Variants in MGAT4C observed in about 807,000 individuals in gnomAD.
MGAT4C encodes the protein MGAT4 family member C, also known as alpha-1,3-mannosyl-glycoprotein 4-beta-N-acetylglucosaminyltransferase C.
In MGAT4C, 19 loss-of-function variants were observed where a neutral mutation model predicts 40.1. The observed-to-expected ratio is 0.47, with a 90% CI of 0.33 to 0.70. The LOEUF is 0.70. Ranked by LOEUF, MGAT4C falls within the 30% of genes least tolerant of loss-of-function variation. The probability of loss-of-function intolerance (pLI) is 0.02; values close to 1 mark genes in which losing one functional copy is unlikely to be tolerated. For synonymous variants in MGAT4C, 181 were observed against 187.1 expected (o/e 0.97, Z 0.27); for missense variants, 491 against 563.2 (o/e 0.87, Z 1.30).
rs188152138 is a variant in MGAT4C, at chr12:85,991,617, G to T, written c.-6-2065C>A. On this transcript the variant is annotated intron_variant, in intron 2 of 4. Coordinates refer to ENST00000611864, the MANE Select transcript of MGAT4C (RefSeq NM_001351288.2). The stretch of plus-strand genomic sequence containing the variant: ...CTCGTGGGCGCTTAAAGCCTGGAGG[G>T]TGCTGAGATGACAAGCAGCTGGCAT... Among the ~76,000 whole-genome samples, 404 of 152,310 alleles carry T rather than the reference G, an allele frequency of 2.7e-3. 1 individual carries two copies. Among genetic ancestry groups the T allele is most frequent in the African/African-American group, 9.3e-3 (386 of 41,580 alleles).
intron 2 of MGAT4C, among the ~76,000 whole-genome samples, chr12:86,660,767 A>T (rs1313082766): frequency 6.6e-6 from 1 of 152,144 alleles, no homozygotes; most frequent in Non-Finnish European, 1.5e-5. Flanking sequence ...GTCAGCCCTT[A>T]TGTAGCACAG....
At chr12:86,066,029 A>G (rs1894506307) in intron 1 of MGAT4C, among the ~76,000 whole-genome samples, 1 of 152,220 alleles carries the variant, frequency 6.6e-6, no homozygotes, top group African/African-American at 2.4e-5. Context: ...TTCAAGGAGA[A>G]CTACAAACCA....
chr12:86,465,077 A>G (rs549634032), intron 2 of MGAT4C, among the ~76,000 whole-genome samples: 2 of 152,266 alleles, frequency 1.3e-5, no homozygotes, highest in Admixed American at 1.3e-4. Context: ...ATTAGGTCAT[A>G]GATTAACTCT....
chr12:86,493,460 T>G (rs1215847866), intron 2 of MGAT4C, among the ~76,000 whole-genome samples: 2 of 152,160 alleles, frequency 1.3e-5, no homozygotes, highest in African/African-American at 2.4e-5. Flanking sequence ...TGGAATACCA[T>G]GCAGCCATAA....
At chr12:86,119,817 GC>G (rs796743892) in intron 1 of MGAT4C, among the ~76,000 whole-genome samples, 19 of 149,018 alleles carry the variant, frequency 1.3e-4, no homozygotes, top group African/African-American at 4.7e-4. Context: ...TCCCACCTCA[GC>G]CTTCCATGTA....
At chr12:86,031,716 T>C (rs1890769931) in intron 2 of MGAT4C, among the ~76,000 whole-genome samples, 1 of 151,860 alleles carries the variant, frequency 6.6e-6, no homozygotes, top group African/African-American at 2.4e-5. Flanking sequence ...CTTGAAATCT[T>C]TGCAATTGTG....
At chr12:86,280,815 T>C (rs1953200396) in intron 4 of MGAT4C, among the ~76,000 whole-genome samples, 1 of 152,066 alleles carries the variant, frequency 6.6e-6, no homozygotes, top group Non-Finnish European at 1.5e-5. Context: ...ACTTCAGTTT[T>C]CTTATTGTTT....
intron 2 of MGAT4C, among the ~76,000 whole-genome samples, chr12:86,689,168 T>C (rs1315039384): frequency 6.6e-6 from 1 of 152,242 alleles, no homozygotes; most frequent in Non-Finnish European, 1.5e-5. Flanking sequence ...CACGAAGTTC[T>C]CATGCTGTGT....
chr12:86,652,075 G>GT (rs1466442958), intron 2 of MGAT4C, among the ~76,000 whole-genome samples: 3 of 151,860 alleles, frequency 2.0e-5, no homozygotes, highest in Middle Eastern at 3.4e-3. Flanking sequence ...ATAATAAGTA[G>GT]TTTTTTTGCA....
At chr12:86,060,399 T>C (rs981461387) in intron 1 of MGAT4C, among the ~76,000 whole-genome samples, 3 of 152,220 alleles carry the variant, frequency 2.0e-5, no homozygotes, top group Non-Finnish European at 2.9e-5. Context: ...ATATATCTAG[T>C]TGTTTAATTA....
intron 2 of MGAT4C, among the ~76,000 whole-genome samples, chr12:86,520,009 T>C (rs1414459919): frequency 6.6e-6 from 1 of 152,180 alleles, no homozygotes; most frequent in African/African-American, 2.4e-5. Context: ...AATGTTTTTT[T>C]CTAGTAGTTT....
intron 3 of MGAT4C, among the ~76,000 whole-genome samples, chr12:86,404,702 C>T (rs1368694842): frequency 6.6e-6 from 1 of 151,918 alleles, no homozygotes; most frequent in Non-Finnish European, 1.5e-5. Context: ...AACGAATACA[C>T]CCACATTTTA....
At chr12:86,768,850 C>T (rs964475341) in intron 1 of MGAT4C, among the ~76,000 whole-genome samples, 3 of 151,896 alleles carry the variant, frequency 2.0e-5, no homozygotes, top group African/African-American at 4.8e-5. Flanking sequence ...TTCCTTACAC[C>T]TTATACAAAA....
At chr12:86,251,133 T>G (rs1217307209) in intron 1 of MGAT4C, among the ~76,000 whole-genome samples, 1 of 5,522 alleles carries the variant, frequency 1.8e-4, no homozygotes, top group Admixed American at 2.7e-3. Flanking sequence ...TATTTCCCGT[T>G]TTTTTTTTTT....
chr12:86,050,615 A>G (rs1165051718), intron 1 of MGAT4C, among the ~76,000 whole-genome samples: 1 of 152,016 alleles, frequency 6.6e-6, no homozygotes, highest in South Asian at 2.1e-4. Context: ...GAACATTTAT[A>G]TACTCTTGAG....
chr12:86,646,173 T>C lies in MGAT4C; in HGVS notation c.-229+81036A>G, dbSNP rs890391982. Among the ~76,000 whole-genome samples, 25 of 151,772 alleles carry C rather than the reference T, an allele frequency of 1.6e-4. 2 individuals are homozygous for C. The highest frequency in any genetic ancestry group is 7.2e-4 in the Admixed American group (11 of 15,196). ...CAGCAAATTTGGAAAAAAGTGAGGA[T>C]GGGCAACATTTATATAAAATCTATT... On this transcript the variant is annotated intron_variant, in intron 2 of 7. Coordinates refer to the MGAT4C transcript ENST00000548651.
chr12:86,367,932 A>G (rs1418906046), intron 3 of MGAT4C, among the ~76,000 whole-genome samples: 1 of 152,218 alleles, frequency 6.6e-6, no homozygotes, highest in African/African-American at 2.4e-5. Flanking sequence ...TGTTTTCTCT[A>G]AAATAAACCT....
chr12:86,404,124 G>A (rs916954259), intron 3 of MGAT4C, among the ~76,000 whole-genome samples: 7 of 152,030 alleles, frequency 4.6e-5, no homozygotes, highest in East Asian at 1.9e-4. Flanking sequence ...TTGAGATTGC[G>A]GTGAGCTTTG....
chr12:86,170,959 A>G (rs921374886), intron 1 of MGAT4C, among the ~76,000 whole-genome samples: 1 of 152,212 alleles, frequency 6.6e-6, no homozygotes, highest in South Asian at 2.1e-4. Context: ...TTTTAATCAT[A>G]AGATATCTGA....
Sources: gnomAD v4.1 joint callset for allele counts (sites outside exome capture counted in the v4.1 genomes callset) on GRCh38, gnomAD v4.1.1 for gene constraint, MANE v1.5 for transcripts, NCBI Gene and HGNC (gene_info 2026-07-23, HGNC 2026-07-21) for gene names.